The following EYS variants were observed in gnomAD, a reference collection of about 807,000 sequenced individuals.
EYS encodes the protein EGF-like photoreceptor maintenance factor.
In EYS, 250 loss-of-function variants were observed where a neutral mutation model predicts 282.1. That is an observed-to-expected ratio of 0.89 (90% confidence interval 0.80 to 0.98). The LOEUF is 0.98. Among genes scored for constraint, EYS ranks in the 50% least tolerant of loss-of-function variants. The probability of loss-of-function intolerance (pLI) is 0.00; values close to 1 mark genes in which losing one functional copy is unlikely to be tolerated. For missense variants in EYS, 4,016 were observed against 3,709.0 expected (o/e 1.08, Z -2.15); for synonymous variants, 1,355 against 1,282.9 (o/e 1.06, Z -1.20).
chr6:64,363,063 A>C, intron 29 of EYS, among the ~76,000 whole-genome samples: 1 of 151,046 alleles, frequency 6.6e-6, no homozygotes, highest in East Asian at 2.0e-4. Flanking sequence ...CCCAGGCTCA[A>C]GCAATCCTCC....
At chr6:64,948,828 T>C (rs1769387050) in intron 14 of EYS, among the ~76,000 whole-genome samples, 1 of 151,688 alleles carries the variant, frequency 6.6e-6, no homozygotes, top group South Asian at 2.1e-4. Context: ...CTACTAAACT[T>C]GGATAAAACA....
In EYS at chr6:64,894,722, T is replaced by C. The variant is rs75040020; in HGVS notation, c.2846+7391A>G. ...GCTATTTACCAGTATGACTGTTCTA[T>C]GGTGAAAGAAAGATATTCAGACATT... On this transcript the variant is annotated intron_variant, in intron 18 of 42. Transcript: ENST00000503581. 3.1e-3 allele frequency among the ~76,000 whole-genome samples: 473 copies of C among 152,226 alleles called. 9 individuals carry two copies. The highest frequency in any genetic ancestry group is 0.017 in the East Asian group (89 of 5,174).
intron 26 of EYS, among the ~76,000 whole-genome samples, chr6:64,542,801 G>A (rs1450615416): frequency 6.6e-6 from 1 of 152,000 alleles, no homozygotes; most frequent in Non-Finnish European, 1.5e-5. Context: ...TTTTTAAGGA[G>A]GCATATGATA....
At chr6:64,804,696 T>C (rs1295279108) in intron 22 of EYS, among the ~76,000 whole-genome samples, 1 of 152,162 alleles carries the variant, frequency 6.6e-6, no homozygotes, top group East Asian at 1.9e-4. Context: ...ATAAAGGTGT[T>C]TTAAACCGTA....
chr6:65,386,309 G>C lies in EYS; in HGVS notation c.1185-1809C>G, dbSNP rs540978317. On this transcript the variant is annotated intron_variant, in intron 7 of 42. Coordinates refer to ENST00000503581, the MANE Select transcript of EYS (RefSeq NM_001142800.2). The stretch of plus-strand genomic sequence containing the variant: ...AAGGCGGAGGACTAATGTGTACTAG[G>C]CTTAATACCTGGATGATAAAATAAT... Among the ~76,000 whole-genome samples, 6 of 151,956 alleles carry C rather than the reference G, an allele frequency of 3.9e-5. No individual in the cohort carries two copies. In the South Asian group the frequency reaches 1.2e-3, roughly 32 times the overall value.
At position 65,192,293 on chromosome 6, in the gene EYS, C is replaced by CTGTGTGTGTGTGTGTGTGTGTG. The variant is rs58238401; in HGVS notation, c.2023+103548_2023+103569dup. ...TTCTTTCCCTATAGCTTTTTCTACTCTGTGTGTGTGTGTGTGTGTGTGTGT... is the reference window on the plus strand; with the variant it reads ...TTCTTTCCCTATAGCTTTTTCTACTCTGTGTGTGTGTGTGTGTGTGTGTGTGTGTGTGTGTGTGTGTGTGTGT... On this transcript the variant is annotated intron_variant, in intron 12 of 42. Coordinates refer to ENST00000503581, the MANE Select transcript of EYS (RefSeq NM_001142800.2). 2.2e-3 allele frequency among the ~76,000 whole-genome samples: 315 copies of CTGTGTGTGTGTGTGTGTGTGTG among 142,892 alleles called. 2 individuals are homozygous for CTGTGTGTGTGTGTGTGTGTGTG. The highest frequency in any genetic ancestry group is 3.8e-3 in the East Asian group (18 of 4,776). 93.7% of individuals were successfully genotyped at this position (142,892 alleles called of 152,430 possible).
At chr6:64,851,806 G>C (rs1765894063) in intron 19 of EYS, among the ~76,000 whole-genome samples, 1 of 151,924 alleles carries the variant, frequency 6.6e-6, no homozygotes, top group African/African-American at 2.4e-5. Context: ...GAGGGTGGAG[G>C]GTGGGAGAAG....
chr6:64,923,368 C>A (rs1271220037), intron 15 of EYS, among the ~76,000 whole-genome samples: 1 of 152,136 alleles, frequency 6.6e-6, no homozygotes, highest in African/African-American at 2.4e-5. Flanking sequence ...TCAATTACCT[C>A]CCCCTGGGTC....
intron 22 of EYS, among the ~76,000 whole-genome samples, chr6:64,757,633 T>A (rs1248385240): frequency 1.3e-5 from 2 of 152,228 alleles, no homozygotes; most frequent in East Asian, 3.9e-4. Context: ...ATTATACCAC[T>A]GTATCAATCA....
chr6:65,023,702 G>C (rs1486158770), intron 13 of EYS, among the ~76,000 whole-genome samples: 6 of 152,218 alleles, frequency 3.9e-5, no homozygotes, highest in African/African-American at 7.2e-5. Context: ...TTCTTCCATA[G>C]ACAGAGGAGA....
chr6:64,644,922 G>C (rs540021648), intron 22 of EYS, among the ~76,000 whole-genome samples: 1 of 152,180 alleles, frequency 6.6e-6, no homozygotes, highest in Non-Finnish European at 1.5e-5. Flanking sequence ...TGCAGCATCA[G>C]CATGTCAGCT....
intron 15 of EYS, among the ~76,000 whole-genome samples, chr6:64,939,780 T>C (rs1307840156): frequency 6.6e-6 from 1 of 151,928 alleles, no homozygotes; most frequent in Non-Finnish European, 1.5e-5. Flanking sequence ...GCTAGCCATA[T>C]AGTATAAAGC....
At chr6:64,221,440 G>C (rs545711633) in intron 31 of EYS, among the ~76,000 whole-genome samples, 1 of 152,148 alleles carries the variant, frequency 6.6e-6, no homozygotes, top group East Asian at 1.9e-4. Context: ...CAGCAAGAAG[G>C]CCCTCACCAG....
In EYS at chr6:64,887,410, C is replaced by A. The variant is rs186106041; in HGVS notation, c.2847-568G>T. Among the ~76,000 whole-genome samples the A allele has an allele frequency of 1.7e-3, 260 of 151,670 alleles. 1 individual carries two copies. Among genetic ancestry groups the A allele is most frequent in the African/African-American group, 6.1e-3 (252 of 41,340 alleles). On this transcript the variant is annotated intron_variant, in intron 18 of 42. Coordinates refer to ENST00000503581, the MANE Select transcript of EYS (RefSeq NM_001142800.2). ...CAAATCTGCACGTTGTGCACATGTA[C>A]CCTGAAACTTAAAGTATAATAATAA...
At chr6:64,421,267 C>T (rs371099931) in intron 28 of EYS, among the ~76,000 whole-genome samples, 10 of 152,028 alleles carry the variant, frequency 6.6e-5, no homozygotes, top group Middle Eastern at 3.2e-3. Flanking sequence ...TTAAAAAAAC[C>T]CTCAGATCTC....
chr6:64,198,394 G>T (rs1399632128), intron 31 of EYS, among the ~76,000 whole-genome samples: 1 of 152,042 alleles, frequency 6.6e-6, no homozygotes, highest in African/African-American at 2.4e-5. Flanking sequence ...GTGCCATGGT[G>T]GTTTGCTACA....
chr6:64,708,261 A>G (rs1460200336), intron 22 of EYS, among the ~76,000 whole-genome samples: 1 of 152,238 alleles, frequency 6.6e-6, no homozygotes, highest in Non-Finnish European at 1.5e-5. Flanking sequence ...ACCTGCATTT[A>G]GCAGTACTGC....
At chr6:64,665,412 G>T (rs1428178727) in intron 22 of EYS, among the ~76,000 whole-genome samples, 1 of 152,050 alleles carries the variant, frequency 6.6e-6, no homozygotes, top group African/African-American at 2.4e-5. Flanking sequence ...GCCTTGCTTG[G>T]CTCATAGACT....
At chr6:65,049,800 G>A (rs748676430) in intron 13 of EYS, among the ~76,000 whole-genome samples, 2 of 151,684 alleles carry the variant, frequency 1.3e-5, no homozygotes, top group South Asian at 2.1e-4. Context: ...TAAAACGTAC[G>A]GTATAGTTAA....
Sources: gnomAD v4.1 joint callset for allele counts (sites outside exome capture counted in the v4.1 genomes callset) on GRCh38, gnomAD v4.1.1 for gene constraint, MANE v1.5 for transcripts, NCBI Gene and HGNC (gene_info 2026-07-23, HGNC 2026-07-21) for gene names.